The following ELP2 variants were observed in gnomAD, a reference collection of about 807,000 sequenced individuals.
ELP2 encodes the protein elongator acetyltransferase complex subunit 2.
A neutral mutation model predicts 119.2 loss-of-function variants in ELP2; 90 were observed. The ratio of observed to expected loss-of-function variants is 0.75; its 90% CI spans 0.64 to 0.90. The LOEUF (loss-of-function observed/expected upper bound fraction) is 0.90. Among genes scored for constraint, ELP2 ranks in the 40% least tolerant of loss-of-function variants. The pLI, the probability that ELP2 is intolerant of heterozygous loss-of-function variation, is 0.00. For synonymous variants in ELP2, 339 were observed against 331.0 expected, an observed-to-expected ratio of 1.02 and a Z score of -0.26; for missense variants, 921 against 967.8, an observed-to-expected ratio of 0.95 and a Z score of 0.64.
At chr18:36,169,808 C>T in intron 19 of ELP2, 1 of 519,682 alleles carries the variant, frequency 1.9e-6, no homozygotes, top group East Asian at 3.6e-5. Context: ...TTAGACACCT[C>T]TCTGTGGTCT....
At chr18:36,130,469 C>T (rs1474667298) in intron 1 of ELP2, among the ~76,000 whole-genome samples, 1 of 152,160 alleles carries the variant, frequency 6.6e-6, no homozygotes, top group Non-Finnish European at 1.5e-5. Flanking sequence ...TTCAGTATTT[C>T]CTTCAGTTTT....
chr18:36,171,117 C>T lies in ELP2; in HGVS notation c.2281C>T (p.Pro761Ser). ...TACCTGGAAAAAGACTGATCAAGTT[C>T]CAGAAATAAATGACTGGACCCACTG... ...LYTWKKTDQV[P>S]EINDWTHCVE... Residue 761 changes from proline (P) to serine (S), a missense_variant, in exon 21 of 22, where the codon CCA (proline) becomes TCA (serine). Coordinates refer to ENST00000358232, the MANE Select transcript of ELP2 (RefSeq NM_018255.4). 6.2e-7 allele frequency: 1 copy of T among 1,614,024 alleles called. No individual in the cohort carries two copies. The highest frequency in any genetic ancestry group is 8.5e-7 in the Non-Finnish European group (1 of 1,179,896).
rs756287485 is a variant in ELP2 at position 36,136,332 on chromosome 18, A to C, written c.243A>C (p.Gly81=). The change falls in exon 3 of 22, where the codon GGA becomes GGC. Residue 81 remains glycine, a synonymous_variant. Coordinates refer to ENST00000358232, the MANE Select transcript of ELP2 (RefSeq NM_018255.4). The part of the protein sequence containing the change: ...DGSPSTELVS[G]GSDNQVIHWE... ...CCCCTTCTACTGAATTAGTTTCTGG[A>C]GGATCTGATAATCAAGTGATTCACT... 6.2e-7 allele frequency: 1 copy of C among 1,611,676 alleles called. No homozygotes were observed. Among genetic ancestry groups the C allele is most frequent in the Non-Finnish European group, 8.5e-7 (1 of 1,177,736 alleles).
At chr18:36,149,356 A>T (rs1302349310) in intron 11 of ELP2, among the ~76,000 whole-genome samples, 13 of 152,130 alleles carry the variant, frequency 8.5e-5, no homozygotes, top group Non-Finnish European at 1.9e-4. Flanking sequence ...CAGGCAATGT[A>T]GCTGTTTTCA....
At position 36,156,502 on chromosome 18, in the gene ELP2, G is replaced by C; in HGVS notation, c.1312G>C (p.Gly438Arg). ...WHEIARPQIH[G>R]YDLKCLAMIN... ...TGAAATTGCAAGGCCTCAGATACAT[G>C]GGTATGACCTGAAATGTTTGGCAAT... The change falls in exon 13 of 22, where the codon GGG (glycine) becomes CGG (arginine). Residue 438 changes from glycine to arginine, a missense_variant. Coordinates refer to ENST00000358232, the MANE Select transcript of ELP2 (RefSeq NM_018255.4). The C allele has an allele frequency of 1.9e-6, 3 of 1,614,124 alleles. No individual in the cohort carries two copies. The highest frequency in any genetic ancestry group is 2.5e-6 in the Non-Finnish European group (3 of 1,180,018).
At chr18:36,142,993 T>C (rs2090084156) in intron 8 of ELP2, 27 bp downstream of exon 8, 1 of 1,519,896 alleles carries the variant, frequency 6.6e-7, no homozygotes, top group East Asian at 2.3e-5. Context: ...ATATCCAATA[T>C]AACGATACTT....
At chr18:36,167,768 G>C (rs1300305963) in intron 19 of ELP2, among the ~76,000 whole-genome samples, 1 of 151,604 alleles carries the variant, frequency 6.6e-6, no homozygotes, top group African/African-American at 2.4e-5. Context: ...GGACCTCCTG[G>C]GCCCAAGCAA....
chr18:36,156,529 AT>A lies in ELP2; in HGVS notation c.1341del (p.Asn448IlefsTer35), dbSNP rs1309708976. The A allele has an allele frequency of 6.2e-7, 1 of 1,614,028 alleles. No homozygotes were observed. The highest frequency in any genetic ancestry group is 8.5e-7 in the Non-Finnish European group (1 of 1,180,012). ...GTATGACCTGAAATGTTTGGCAATG[AT>A]TAATCGGTTTCAGTTTGTATCTGGA... ...HGYDLKCLAM[I>X]NRFQFVSGAD... On this transcript the variant is annotated frameshift_variant, in exon 13 of 22. Transcript: ENST00000358232. LOFTEE classifies it high-confidence loss of function.
intron 2 of ELP2, among the ~76,000 whole-genome samples, chr18:36,135,646 G>T (rs1408046019): frequency 6.6e-6 from 1 of 152,162 alleles, no homozygotes; most frequent in Non-Finnish European, 1.5e-5. Flanking sequence ...ATTTTGAAGT[G>T]TGTCTCTAAT....
At chr18:36,139,364 A>ATCT in intron 5 of ELP2, 1 of 1,477,832 alleles carries the variant, frequency 6.8e-7, no homozygotes. Context: ...ATCTTTGAGT[A>ATCT]TCTTCTACAA....
chr18:36,174,438 AC>A, intron 21 of ELP2, 46 bp from the exon 22 acceptor site: 1 of 1,580,210 alleles, frequency 6.3e-7, no homozygotes, highest in Non-Finnish European at 8.7e-7. Context: ...TCATGTTTAC[AC>A]CATTAATTGG....
chr18:36,157,041 G>A (rs1777914426), intron 13 of ELP2, among the ~76,000 whole-genome samples: 1 of 151,694 alleles, frequency 6.6e-6, no homozygotes, highest in African/African-American at 2.4e-5. Context: ...GCAGTTGTTA[G>A]ATGAGACCAG....
At chr18:36,155,159 C>T (rs926621240) in intron 12 of ELP2, among the ~76,000 whole-genome samples, 160 bp downstream of exon 12, 1 of 151,334 alleles carries the variant, frequency 6.6e-6, no homozygotes, top group Non-Finnish European at 1.5e-5. Context: ...ATTATAGGTG[C>T]CCACCACCAC....
chr18:36,158,291 A>T (rs1257018938), intron 13 of ELP2, among the ~76,000 whole-genome samples: 1 of 152,222 alleles, frequency 6.6e-6, no homozygotes, highest in Non-Finnish European at 1.5e-5. Flanking sequence ...ATTGATATAA[A>T]TTGCAAAATC....
intron 17 of ELP2, among the ~76,000 whole-genome samples, chr18:36,161,253 A>G (rs911440547): frequency 2.0e-5 from 3 of 152,148 alleles, no homozygotes; most frequent in Non-Finnish European, 4.4e-5. Context: ...TTAATCAGGT[A>G]TCTCAAAATG....
At position 36,143,881 on chromosome 18, in the gene ELP2, A is replaced by G. The variant is rs193226256; in HGVS notation, c.796+915A>G. Among the ~76,000 whole-genome samples the G allele has an allele frequency of 2.9e-3, 444 of 152,374 alleles. 6 individuals are homozygous for G. The highest frequency in any genetic ancestry group is 0.01 in the African/African-American group (430 of 41,588). ...TTTTAGCATAGGAAGACCTAAAGGA[A>G]TAATGTGAATTACTTACACATTTTA... is the stretch of plus-strand genomic sequence containing the variant. On this transcript the variant is annotated intron_variant, in intron 8 of 21. Transcript: ENST00000358232.
In ELP2 at chr18:36,138,522, G is replaced by C; in HGVS notation, c.445+96G>C. The C allele has an allele frequency of 3.7e-6, 5 of 1,354,508 alleles. 1 individual carries two copies. In the South Asian group the frequency reaches 6.4e-5, roughly 17 times the overall value. The allele number at this position is 1,354,508 out of a possible 1,614,324, so 83.9% of individuals were successfully genotyped here. The stretch of plus-strand genomic sequence containing the variant: ...ATATATATAATTCTTTACAACTTTG[G>C]AGCAACTTTAAAAATACTATAATTC... On this transcript the variant is annotated intron_variant, in intron 4 of 21. Transcript: ENST00000358232.
rs1463078255 is a variant in ELP2 at position 36,160,028 on chromosome 18, G to A, written c.1688+13G>A. The A allele has an allele frequency of 1.9e-6, 3 of 1,613,014 alleles. No homozygotes were observed. Among genetic ancestry groups the A allele is most frequent in the Admixed American group, 1.7e-5 (1 of 60,004 alleles). On this transcript the variant is annotated intron_variant, in intron 16 of 21. Coordinates refer to ENST00000358232, the MANE Select transcript of ELP2 (RefSeq NM_018255.4). ...AAGTTCAAAAACTGTAAGTTAAACT[G>A]TATTTAGCTCTTTGGTCTGATTCTG... is the stretch of plus-strand genomic sequence containing the variant.
chr18:36,153,603 C>G (rs1388683624), intron 11 of ELP2, among the ~76,000 whole-genome samples: 3 of 152,126 alleles, frequency 2.0e-5, no homozygotes, highest in African/African-American at 2.4e-5. Flanking sequence ...CAAGACTGCC[C>G]CTACCCCAGC....
Sources: gnomAD v4.1 joint callset for allele counts (sites outside exome capture counted in the v4.1 genomes callset) on GRCh38, gnomAD v4.1.1 for gene constraint, MANE v1.5 for transcripts, NCBI Gene and HGNC (gene_info 2026-07-23, HGNC 2026-07-21) for gene names.